The following KAZN variants were observed in gnomAD, a reference collection of about 807,000 sequenced individuals.
The protein encoded by KAZN is kazrin.
Under a neutral mutation model 87.4 loss-of-function variants are expected in KAZN, and 40 were observed. The observed-to-expected ratio is 0.46, with a 90% CI of 0.36 to 0.60. The LOEUF (loss-of-function observed/expected upper bound fraction) is 0.60. Among genes scored for constraint, KAZN ranks in the 20% least tolerant of loss-of-function variants. The probability of loss-of-function intolerance (pLI) is 0.00; values close to 1 mark genes in which losing one functional copy is unlikely to be tolerated. For missense variants in KAZN, 898 were observed against 1,073.9 expected, an observed-to-expected ratio of 0.84 and a Z score of 2.29; for synonymous variants, 466 against 458.3, an observed-to-expected ratio of 1.02 and a Z score of -0.22.
intron 1 of KAZN, among the ~76,000 whole-genome samples, chr1:13,912,703 A>T (rs1639697446): frequency 6.6e-6 from 1 of 152,146 alleles, no homozygotes; most frequent in Admixed American, 6.5e-5. Flanking sequence ...TCCCAGGTTC[A>T]AGCGATTCTC....
intron 1 of KAZN, among the ~76,000 whole-genome samples, chr1:13,928,265 T>C (rs1429104699): frequency 6.6e-6 from 1 of 152,198 alleles, no homozygotes; most frequent in African/African-American, 2.4e-5. Context: ...GTTGTGTTAC[T>C]TCCTTTTGCT....
intron 1 of KAZN, among the ~76,000 whole-genome samples, chr1:14,885,230 G>A (rs1290968445): frequency 1.3e-5 from 2 of 152,142 alleles, no homozygotes; most frequent in Non-Finnish European, 2.9e-5. Context: ...CCTGGGGAAG[G>A]TGGCTCGCCC....
At chr1:14,623,525 T>C (rs1678877943) in intron 1 of KAZN, among the ~76,000 whole-genome samples, 1 of 152,174 alleles carries the variant, frequency 6.6e-6, no homozygotes, top group Admixed American at 6.5e-5. Flanking sequence ...GGTATTGAAC[T>C]TAATACCTGA....
intron 8 of KAZN, among the ~76,000 whole-genome samples, chr1:15,089,664 T>C (rs1488920286): frequency 7.0e-6 from 1 of 142,010 alleles, no homozygotes; most frequent in African/African-American, 2.6e-5. Context: ...GATTAGTCTC[T>C]GGAAGTATAG....
At chr1:14,797,928 G>A (rs1328199746) in intron 1 of KAZN, among the ~76,000 whole-genome samples, 2 of 152,178 alleles carry the variant, frequency 1.3e-5, no homozygotes, top group East Asian at 1.9e-4. Context: ...CGATGCCCAC[G>A]ATGTGCCAAG....
At chr1:14,688,905 T>C (rs1411981337) in intron 1 of KAZN, among the ~76,000 whole-genome samples, 1 of 152,108 alleles carries the variant, frequency 6.6e-6, no homozygotes, top group African/African-American at 2.4e-5. Flanking sequence ...TAAGAGTTGA[T>C]TGGTAAGGCT....
intron 1 of KAZN, among the ~76,000 whole-genome samples, chr1:14,804,081 C>A (rs2100753063): frequency 6.6e-6 from 1 of 152,320 alleles, no homozygotes; most frequent in South Asian, 2.1e-4. Flanking sequence ...AGCTTTGCCC[C>A]CAGGTCTAGC....
intron 2 of KAZN, among the ~76,000 whole-genome samples, chr1:14,531,574 G>T (rs959447736): frequency 1.3e-5 from 2 of 152,118 alleles, no homozygotes; most frequent in Non-Finnish European, 2.9e-5. Context: ...CTTGGGGATT[G>T]TGGGGTTGGG....
At chr1:13,998,268 A>G (rs1052475173) in intron 1 of KAZN, among the ~76,000 whole-genome samples, 1 of 152,216 alleles carries the variant, frequency 6.6e-6, no homozygotes, top group Non-Finnish European at 1.5e-5. Context: ...CACTGCAAAA[A>G]CACACCAAAA....
chr1:13,957,871 G>C (rs1008242471), intron 1 of KAZN, among the ~76,000 whole-genome samples: 2 of 152,062 alleles, frequency 1.3e-5, no homozygotes, highest in Admixed American at 6.5e-5. Flanking sequence ...GACTTGGAAG[G>C]GACAAACATC....
At chr1:14,802,404 C>CAAA (rs35172215) in intron 1 of KAZN, among the ~76,000 whole-genome samples, 21 of 135,360 alleles carry the variant, frequency 1.6e-4, no homozygotes, top group Non-Finnish European at 2.9e-4. Flanking sequence ...ACTCTTGTCT[C>CAAA]AAAAAAAAAA....
intron 1 of KAZN, among the ~76,000 whole-genome samples, chr1:14,633,867 A>ACTCTCT (rs113095643): frequency 6.7e-5 from 10 of 149,868 alleles, no homozygotes; most frequent in African/African-American, 2.5e-4. Flanking sequence ...TTGCGCGCGC[A>ACTCTCT]CTCTCTCTCT....
At chr1:14,790,052 G>T (rs949021502) in intron 1 of KAZN, among the ~76,000 whole-genome samples, 3 of 151,778 alleles carry the variant, frequency 2.0e-5, no homozygotes, top group Non-Finnish European at 4.4e-5. Flanking sequence ...GCCCAGGCTG[G>T]AGTGCAATGG....
At chr1:14,380,489 T>C (rs1661275933) in intron 2 of KAZN, among the ~76,000 whole-genome samples, 1 of 152,172 alleles carries the variant, frequency 6.6e-6, no homozygotes, top group Non-Finnish European at 1.5e-5. Flanking sequence ...AAAATCAGAA[T>C]TCTATCAGAT....
In KAZN at chr1:14,891,218, G is replaced by A. The variant is rs542679401; in HGVS notation, c.227-69466G>A. ...GGGCGGTGTCTGGTTACATGAGTAC[G>A]TTCTTTAGTGGTGATTTGTGAGATT... On this transcript the variant is annotated intron_variant, in intron 1 of 14. Transcript: ENST00000376030. Among the ~76,000 whole-genome samples, 9 of 152,162 alleles carry A rather than the reference G, an allele frequency of 5.9e-5. No homozygotes were observed. In the East Asian group the frequency reaches 9.7e-4, roughly 16 times the overall value.
chr1:14,117,938 C>T (rs1644664014), intron 1 of KAZN, among the ~76,000 whole-genome samples: 2 of 152,018 alleles, frequency 1.3e-5, no homozygotes, highest in Non-Finnish European at 2.9e-5. Flanking sequence ...CATTGATGAG[C>T]ACCCTTTGCT....
At chr1:14,759,058 G>A (rs988418387) in intron 1 of KAZN, among the ~76,000 whole-genome samples, 6 of 152,186 alleles carry the variant, frequency 3.9e-5, no homozygotes, top group African/African-American at 1.4e-4. Flanking sequence ...CAATGAAGGG[G>A]ATTTTAAGAA....
At chr1:14,886,539 C>T (rs1388893322) in intron 1 of KAZN, among the ~76,000 whole-genome samples, 1 of 152,116 alleles carries the variant, frequency 6.6e-6, no homozygotes, top group Non-Finnish European at 1.5e-5. Context: ...CGCCTGTAAT[C>T]CCAGCACTTT....
intron 1 of KAZN, among the ~76,000 whole-genome samples, chr1:13,957,142 A>G (rs965776574): frequency 6.6e-6 from 1 of 152,174 alleles, no homozygotes; most frequent in African/African-American, 2.4e-5. Context: ...GAAGGTTATG[A>G]ATCAGGGAGT....
Sources: gnomAD v4.1 joint callset for allele counts (sites outside exome capture counted in the v4.1 genomes callset) on GRCh38, gnomAD v4.1.1 for gene constraint, MANE v1.5 for transcripts, NCBI Gene and HGNC (gene_info 2026-07-23, HGNC 2026-07-21) for gene names.